The following RCSD1 variants were observed in gnomAD, a reference collection of about 807,000 sequenced individuals.
RCSD1 encodes the protein RCSD domain containing 1.
In RCSD1, 26 loss-of-function variants were observed where a neutral mutation model predicts 42.5. The ratio of observed to expected loss-of-function variants is 0.61; its 90% CI spans 0.45 to 0.85. The LOEUF (loss-of-function observed/expected upper bound fraction) is 0.85, where lower values mean the gene tolerates loss of function less well. Among genes scored for constraint, RCSD1 ranks in the 40% least tolerant of loss-of-function variants. RCSD1 has a pLI of 0.00. For synonymous variants in RCSD1, 220 were observed against 212.2 expected, an observed-to-expected ratio of 1.04 and a Z score of -0.32; for missense variants, 571 against 528.3, an observed-to-expected ratio of 1.08 and a Z score of -0.79.
chr1:167,683,702 C>T (rs1482091137), intron 1 of RCSD1, among the ~76,000 whole-genome samples, 198 bp from the exon 2 acceptor site: 4 of 152,122 alleles, frequency 2.6e-5, no homozygotes, highest in East Asian at 1.9e-4. Flanking sequence ...AGCCACACCC[C>T]GGGCCAAGAG....
intron 1 of RCSD1, among the ~76,000 whole-genome samples, chr1:167,665,329 A>ACTAT (rs879859803): frequency 7.8e-4 from 117 of 150,052 alleles, no homozygotes; most frequent in Non-Finnish European, 1.2e-3. Flanking sequence ...GTATTCCATA[A>ACTAT]TGTACGTATA....
At chr1:167,670,597 A>T (rs1213374731) in intron 1 of RCSD1, among the ~76,000 whole-genome samples, 8 of 152,070 alleles carry the variant, frequency 5.3e-5, no homozygotes. Flanking sequence ...TCACCTTGTA[A>T]TTTGAGCCAA....
At chr1:167,683,447 T>C (rs1414765361) in intron 1 of RCSD1, among the ~76,000 whole-genome samples, 1 of 152,218 alleles carries the variant, frequency 6.6e-6, no homozygotes, top group Non-Finnish European at 1.5e-5. Flanking sequence ...AAATATTTAC[T>C]GAGCGCTTCT....
chr1:167,630,548 T>C lies in RCSD1; in HGVS notation c.6+119T>C, dbSNP rs531802263. On this transcript the variant is annotated intron_variant, in intron 1 of 6. Transcript: ENST00000367854. Reference sequence around the variant, plus strand: ...CACGCGGCTCATCGCTGCTGCCAACTAGAAGGGCAAATGCCTGCTGTTCCG... The same window carrying C: ...CACGCGGCTCATCGCTGCTGCCAACCAGAAGGGCAAATGCCTGCTGTTCCG... The C allele has an allele frequency of 7.3e-4, 833 of 1,133,632 alleles. 2 individuals carry two copies. The highest frequency in any genetic ancestry group is 9.2e-4 in the Non-Finnish European group (780 of 848,606). The allele number at this position is 1,133,632 out of a possible 1,614,324, so 70.2% of individuals were successfully genotyped here.
chr1:167,630,284 G>C lies in RCSD1; in HGVS notation c.-140G>C. On this transcript the variant is annotated 5_prime_UTR_variant, in exon 1 of 7. Transcript: ENST00000367854. ...GCAGTCCCGCAGCCGAGCGCAGCCG[G>C]GCGCGCGCCACCGCCCACTCGCCCT... 1.2e-6 allele frequency: 1 copy of C among 843,272 alleles called. No individual in the cohort carries two copies. Among genetic ancestry groups the C allele is most frequent in the Non-Finnish European group, 1.5e-6 (1 of 657,288 alleles). 52.2% of individuals were successfully genotyped at this position (843,272 alleles called of 1,614,324 possible).
chr1:167,675,086 G>A (rs780831682), intron 1 of RCSD1, among the ~76,000 whole-genome samples: 8 of 151,564 alleles, frequency 5.3e-5, no homozygotes, highest in Non-Finnish European at 8.8e-5. Flanking sequence ...CGTGCCTGTA[G>A]TCCCAGCTAC....
chr1:167,690,565 T>C (rs1659351023), intron 4 of RCSD1, among the ~76,000 whole-genome samples: 1 of 152,130 alleles, frequency 6.6e-6, no homozygotes, highest in South Asian at 2.1e-4. Context: ...TCCCAGCTAC[T>C]CTGAAGACCG....
intron 1 of RCSD1, among the ~76,000 whole-genome samples, chr1:167,675,218 A>G (rs1389038794): frequency 6.6e-6 from 1 of 150,654 alleles, no homozygotes; most frequent in African/African-American, 2.4e-5. Flanking sequence ...AAAAAAAAAA[A>G]AAAAAAAAAA....
At position 167,637,972 on chromosome 1, in the gene RCSD1, G is replaced by C. The variant is rs115386177; in HGVS notation, c.6+7543G>C. On this transcript the variant is annotated intron_variant, in intron 1 of 6. Coordinates refer to ENST00000367854, the MANE Select transcript of RCSD1 (RefSeq NM_052862.4). ...AGCAGTGCCGCTGGGCCTTGTGGCT[G>C]CTATTGCACAATCCAGCACCCACGC... Among the ~76,000 whole-genome samples, 1,273 of 152,332 alleles carry C rather than the reference G, an allele frequency of 8.4e-3. 10 individuals carry two copies. The highest frequency in any genetic ancestry group is 0.029 in the African/African-American group (1,197 of 41,562).
intron 1 of RCSD1, chr1:167,633,878 A>C (rs1657763340): frequency 6.6e-6 from 1 of 152,234 alleles, no homozygotes; most frequent in South Asian, 2.1e-4. Context: ...AAGATGGAAA[A>C]GAGTAAAGAC....
chr1:167,669,223 A>G (rs1658742968), intron 1 of RCSD1, among the ~76,000 whole-genome samples: 1 of 152,276 alleles, frequency 6.6e-6, no homozygotes, highest in African/African-American at 2.4e-5. Context: ...ACAAATAATT[A>G]TAGGCAATTT....
intron 3 of RCSD1, among the ~76,000 whole-genome samples, chr1:167,689,072 T>C (rs1032517868): frequency 6.6e-6 from 1 of 152,226 alleles, no homozygotes; most frequent in African/African-American, 2.4e-5. Flanking sequence ...TACGTATGAT[T>C]ATGTAACACA....
At chr1:167,686,774 C>T (rs115946352) in intron 3 of RCSD1, among the ~76,000 whole-genome samples, 2,034 of 152,318 alleles carry the variant, frequency 0.013, 49 homozygotes, top group African/African-American at 0.047. Context: ...CTCCTTGTAA[C>T]CTTCAACCTC....
At chr1:167,671,333 C>A (rs556460627) in intron 1 of RCSD1, among the ~76,000 whole-genome samples, 1 of 152,354 alleles carries the variant, frequency 6.6e-6, no homozygotes, top group East Asian at 1.9e-4. Context: ...GCTGATACCA[C>A]ACAGCTAACA....
At position 167,680,661 on chromosome 1, in the gene RCSD1, T is replaced by TG. The variant is rs527551304; in HGVS notation, c.7-3235dup. On this transcript the variant is annotated intron_variant, in intron 1 of 6. Transcript: ENST00000367854. ...ACACTAGGCTAATATTGTATACAGA[T>TG]GGGGTCTCTCTTTATTGCCCAGTCT... 3.8e-3 allele frequency among the ~76,000 whole-genome samples: 585 copies of TG among 152,192 alleles called. 5 individuals carry two copies. Among genetic ancestry groups the TG allele is most frequent in the African/African-American group, 0.013 (546 of 41,510 alleles).
At chr1:167,630,605 C>T (rs1657670709) in intron 1 of RCSD1, 176 bp downstream of exon 1, 1 of 558,148 alleles carries the variant, frequency 1.8e-6, no homozygotes, top group Non-Finnish European at 2.8e-6. Context: ...AAGGATCGTC[C>T]CTGGTCCCAC....
Position 167,662,629 on chromosome 1 carries a change from C to T in RCSD1, c.7-21271C>T, listed in dbSNP as rs1231686018. 2.0e-5 allele frequency among the ~76,000 whole-genome samples: 3 copies of T among 152,210 alleles called. No homozygotes were observed. The East Asian group carries it at 5.8e-4, about 29-fold the overall frequency. On this transcript the variant is annotated intron_variant, in intron 1 of 6. Coordinates refer to ENST00000367854, the MANE Select transcript of RCSD1 (RefSeq NM_052862.4). ...TCCTTTTCGAAAGAACGGCTGGCCT[C>T]AGCTTGCTAATTTGGAATAAAAGGA...
At chr1:167,691,344 A>T (rs995379763) in intron 4 of RCSD1, among the ~76,000 whole-genome samples, 2 of 152,214 alleles carry the variant, frequency 1.3e-5, no homozygotes, top group African/African-American at 4.8e-5. Context: ...GTAATTAATG[A>T]ATGTTTTATG....
chr1:167,656,557 G>A (rs1371053481), intron 1 of RCSD1, among the ~76,000 whole-genome samples: 1 of 152,078 alleles, frequency 6.6e-6, no homozygotes, highest in South Asian at 2.1e-4. Flanking sequence ...CAGATCATTT[G>A]GTGACACTGG....
Sources: allele counts gnomAD v4.1 joint callset (sites outside exome capture counted in the v4.1 genomes callset), GRCh38; gene constraint gnomAD v4.1.1; transcripts MANE v1.5; gene names NCBI Gene and HGNC (gene_info 2026-07-23, HGNC 2026-07-21).